The following RABGAP1L variants were observed in gnomAD, a reference collection of about 807,000 sequenced individuals.
RABGAP1L encodes rab GTPase-activating protein 1-like.
RABGAP1L carries 63 observed loss-of-function variants against 137.7 expected under a neutral mutation model. That is an observed-to-expected ratio of 0.46 (90% CI 0.37 to 0.56). RABGAP1L has a LOEUF of 0.56. Among genes scored for constraint, RABGAP1L ranks in the 20% least tolerant of loss-of-function variants. RABGAP1L has a pLI of 0.00. For missense variants in RABGAP1L, 1,095 were observed against 1,244.0 expected (o/e 0.88, Z 1.80); for synonymous variants, 431 against 433.7 (o/e 0.99, Z 0.08).
At chr1:174,174,186 G>GA (rs1429577034) in intron 1 of RABGAP1L, among the ~76,000 whole-genome samples, 3 of 128,796 alleles carry the variant, frequency 2.3e-5, no homozygotes, top group Non-Finnish European at 5.0e-5. Context: ...GAAGAAATTG[G>GA]AAAAAAAATA....
intron 12 of RABGAP1L, among the ~76,000 whole-genome samples, chr1:174,372,545 C>T (rs1439914942): frequency 2.0e-5 from 3 of 152,064 alleles, no homozygotes; most frequent in Non-Finnish European, 2.9e-5. Flanking sequence ...ATGAAGAAGG[C>T]AGGAGGTTTT....
intron 18 of RABGAP1L, among the ~76,000 whole-genome samples, chr1:174,781,380 G>T (rs1686992145): frequency 6.6e-6 from 1 of 152,184 alleles, no homozygotes. Flanking sequence ...TTTGAGAAGT[G>T]TCTCTTCATA....
At chr1:174,334,921 A>G (rs1681346465) in intron 11 of RABGAP1L, among the ~76,000 whole-genome samples, 1 of 152,238 alleles carries the variant, frequency 6.6e-6, no homozygotes, top group Non-Finnish European at 1.5e-5. Context: ...CATCAAAAAC[A>G]TAAAATACAA....
intron 13 of RABGAP1L, among the ~76,000 whole-genome samples, chr1:174,528,632 T>A (rs528045533): frequency 1.8e-4 from 28 of 152,020 alleles, no homozygotes; most frequent in African/African-American, 6.3e-4. Flanking sequence ...TCTCTTTTTG[T>A]TTTTAGAAGT....
chr1:174,939,510 T>A (rs535490919), intron 19 of RABGAP1L, among the ~76,000 whole-genome samples: 5 of 148,020 alleles, frequency 3.4e-5, no homozygotes, highest in Admixed American at 6.9e-5. Context: ...AAGCTGAGAT[T>A]GCGCCAGCCT....
intron 11 of RABGAP1L, among the ~76,000 whole-genome samples, chr1:174,343,453 G>A (rs537452077): frequency 6.6e-6 from 1 of 152,244 alleles, no homozygotes; most frequent in South Asian, 2.1e-4. Context: ...TAGATATTAT[G>A]TCTTTTCAAT....
At chr1:174,389,145 A>G (rs975364404) in intron 12 of RABGAP1L, among the ~76,000 whole-genome samples, 2 of 152,038 alleles carry the variant, frequency 1.3e-5, no homozygotes, top group Admixed American at 6.6e-5. Flanking sequence ...ATGACCTTTA[A>G]TCTATCCTTT....
chr1:174,992,405 A>C lies in RABGAP1L; in HGVS notation c.*2404A>C, dbSNP rs1364455016. 1 of 152,230 alleles carries C rather than the reference A, an allele frequency of 6.6e-6. No individual in the cohort carries two copies. The highest frequency in any genetic ancestry group is 1.5e-5 in the Non-Finnish European group (1 of 68,048). 9.4% of individuals were successfully genotyped at this position (152,230 alleles called of 1,614,324 possible). ...CAGTGGGCCAAGATTACGGCATTACATTCCATCCAGCCTGGGCGACAAGAG... is the reference window on the plus strand; with the variant it reads ...CAGTGGGCCAAGATTACGGCATTACCTTCCATCCAGCCTGGGCGACAAGAG... On this transcript the variant is annotated 3_prime_UTR_variant, in exon 26 of 26. Transcript: ENST00000681986.
chr1:174,973,760 A>C (rs929743661), intron 21 of RABGAP1L, among the ~76,000 whole-genome samples: 10 of 152,080 alleles, frequency 6.6e-5, no homozygotes, highest in Admixed American at 5.9e-4. Context: ...TGAAAAAAAA[A>C]CATTTATTTC....
At chr1:174,646,710 A>G (rs1674995939) in intron 14 of RABGAP1L, among the ~76,000 whole-genome samples, 1 of 152,316 alleles carries the variant, frequency 6.6e-6, no homozygotes, top group Admixed American at 6.5e-5. Flanking sequence ...TTGGTTCCAC[A>G]TGAGAAATTT....
intron 13 of RABGAP1L, among the ~76,000 whole-genome samples, chr1:174,517,522 G>A (rs1426776708): frequency 6.6e-6 from 1 of 152,090 alleles, no homozygotes; most frequent in Non-Finnish European, 1.5e-5. Flanking sequence ...AGAAAGGGAA[G>A]TTTAAAAAAT....
chr1:174,403,520 C>T (rs761468730), intron 13 of RABGAP1L, among the ~76,000 whole-genome samples: 5 of 152,070 alleles, frequency 3.3e-5, no homozygotes, highest in Non-Finnish European at 7.4e-5. Context: ...ATAGTAGTAT[C>T]TACCGGGATT....
chr1:174,540,488 A>G (rs1665291964), intron 13 of RABGAP1L, among the ~76,000 whole-genome samples: 1 of 152,172 alleles, frequency 6.6e-6, no homozygotes, highest in Admixed American at 6.5e-5. Flanking sequence ...TACGGAAGGG[A>G]TCCAGTTTCA....
At chr1:174,323,896 A>G (rs948094935) in intron 11 of RABGAP1L, among the ~76,000 whole-genome samples, 8 of 152,196 alleles carry the variant, frequency 5.3e-5, no homozygotes, top group Non-Finnish European at 8.8e-5. Flanking sequence ...TTTATGATCC[A>G]GTGATAATTA....
intron 10 of RABGAP1L, among the ~76,000 whole-genome samples, chr1:174,286,363 A>G (rs1341328181): frequency 6.6e-6 from 1 of 152,110 alleles, no homozygotes; most frequent in Non-Finnish European, 1.5e-5. Flanking sequence ...ATAGTTGTTC[A>G]TAATAGTCTC....
intron 18 of RABGAP1L, among the ~76,000 whole-genome samples, chr1:174,778,640 G>T (rs1227574256): frequency 6.6e-6 from 1 of 151,952 alleles, no homozygotes; most frequent in African/African-American, 2.4e-5. Context: ...TGTCACCGAG[G>T]CTGGAGTGTA....
chr1:174,577,735 T>G (rs2148073823), intron 13 of RABGAP1L, among the ~76,000 whole-genome samples: 1 of 152,358 alleles, frequency 6.6e-6, no homozygotes, highest in Admixed American at 6.5e-5. Flanking sequence ...AAGAGATTTA[T>G]AAAATGAAAA....
In RABGAP1L at chr1:174,723,904, TG is replaced by T. The variant is rs368607451; in HGVS notation, c.2169+21650del. Among the ~76,000 whole-genome samples, 97 of 152,312 alleles carry T rather than the reference TG, an allele frequency of 6.4e-4. 1 individual carries two copies. In the East Asian group the frequency reaches 0.016, roughly 26 times the overall value. On this transcript the variant is annotated intron_variant, in intron 17 of 25. Coordinates refer to ENST00000681986, the MANE Select transcript of RABGAP1L (RefSeq NM_001366446.1). Reference sequence around the variant, plus strand: ...GAAAGTTTAAATCAAGGTAATGCCATGGTGAAATTGATGTTTGAGAAAAGTA... The same window carrying T: ...GAAAGTTTAAATCAAGGTAATGCCATGTGAAATTGATGTTTGAGAAAAGTA...
intron 25 of RABGAP1L, among the ~76,000 whole-genome samples, chr1:174,989,326 T>G (rs889302428): frequency 6.6e-6 from 1 of 152,356 alleles, no homozygotes; most frequent in East Asian, 1.9e-4. Flanking sequence ...GAAATAGTCC[T>G]GGCTTCTGAT....
Sources: gnomAD v4.1 joint callset for allele counts (sites outside exome capture counted in the v4.1 genomes callset) on GRCh38, gnomAD v4.1.1 for gene constraint, MANE v1.5 for transcripts, NCBI Gene and HGNC (gene_info 2026-07-23, HGNC 2026-07-21) for gene names.